The following ZNF440 variants were observed in gnomAD, a reference collection of about 807,000 sequenced individuals.
ZNF440 encodes the protein zinc finger protein 440.
In ZNF440, 47 loss-of-function variants were observed where a neutral mutation model predicts 49.7. That is an observed-to-expected ratio of 0.95 (90% CI 0.75 to 1.21). The LOEUF (loss-of-function observed/expected upper bound fraction) is 1.21, where lower values mean the gene tolerates loss of function less well. ZNF440 is among the 50% of genes most tolerant of loss of function. The pLI, the probability that ZNF440 is intolerant of heterozygous loss-of-function variation, is 0.00. For synonymous variants in ZNF440, 255 were observed against 237.7 expected (o/e 1.07, Z -0.67); for missense variants, 703 against 715.0 (o/e 0.98, Z 0.19).
At chr19:11,830,784 T>C in intron 3 of ZNF440, 107 bp downstream of exon 3, 4 of 1,394,144 alleles carry the variant, frequency 2.9e-6, no homozygotes, top group Non-Finnish European at 3.9e-6. Context: ...ATCAAATTCA[T>C]TTATTTTTAG....
intron 1 of ZNF440, chr19:11,827,614 C>T (rs905702907): frequency 3.3e-5 from 5 of 152,164 alleles, no homozygotes; most frequent in African/African-American, 4.8e-5. Flanking sequence ...AAATCAAGGT[C>T]GTCTTGGTTT....
intron 1 of ZNF440, among the ~76,000 whole-genome samples, chr19:11,823,111 G>A (rs1975819278): frequency 6.6e-6 from 1 of 152,030 alleles, no homozygotes; most frequent in Non-Finnish European, 1.5e-5. Context: ...TCTAGTGTCT[G>A]GTAAGGGCCC....
intron 1 of ZNF440, chr19:11,817,814 C>CT (rs1975751183): frequency 6.6e-6 from 1 of 152,134 alleles, no homozygotes; most frequent in Admixed American, 6.6e-5. Context: ...TGAGCTGTGC[C>CT]TACGTGCATG....
intron 1 of ZNF440, chr19:11,816,642 G>A (rs145859748): frequency 6.6e-6 from 1 of 152,334 alleles, no homozygotes; most frequent in African/African-American, 2.4e-5. Flanking sequence ...CTTTGTTTTT[G>A]TTTTTGTTTG....
At chr19:11,821,158 C>T (rs1197378943) in intron 1 of ZNF440, among the ~76,000 whole-genome samples, 2 of 152,188 alleles carry the variant, frequency 1.3e-5, no homozygotes, top group Non-Finnish European at 2.9e-5. Context: ...AGCGCACTCT[C>T]CTATGTTTTC....
In ZNF440 at chr19:11,819,244, G is replaced by A. The variant is rs286252; in HGVS notation, c.3+4794G>A. ...GTCATTTACAACATTTTACAAAACA[G>A]TATAGGTAAGAAAGAAGGCGAATCT... On this transcript the variant is annotated intron_variant, in intron 1 of 3. Transcript: ENST00000304060. 5.3e-5 allele frequency among the ~76,000 whole-genome samples: 8 copies of A among 152,236 alleles called. No individual in the cohort carries two copies. In the East Asian group the frequency reaches 1.5e-3, roughly 29 times the overall value.
At chr19:11,824,197 A>G (rs181855686) in intron 1 of ZNF440, among the ~76,000 whole-genome samples, 73 of 151,176 alleles carry the variant, frequency 4.8e-4, no homozygotes, top group African/African-American at 1.0e-3. Flanking sequence ...AAAAAAAAAA[A>G]AAAAGAAAAG....
intron 1 of ZNF440, among the ~76,000 whole-genome samples, chr19:11,814,795 A>G (rs1599286547): frequency 6.6e-6 from 1 of 152,308 alleles, no homozygotes; most frequent in Admixed American, 6.5e-5. Context: ...TAGGCAGAAA[A>G]TTCCTCAGCA....
chr19:11,822,150 G>A (rs982013916), intron 1 of ZNF440, among the ~76,000 whole-genome samples: 1 of 152,170 alleles, frequency 6.6e-6, no homozygotes, highest in African/African-American at 2.4e-5. Context: ...ATCCATGTGG[G>A]GTGTAAGGGT....
chr19:11,821,348 C>T (rs978281172), intron 1 of ZNF440, among the ~76,000 whole-genome samples: 1 of 152,170 alleles, frequency 6.6e-6, no homozygotes, highest in Non-Finnish European at 1.5e-5. Flanking sequence ...CTAGTATACT[C>T]TGCATCTAGA....
At chr19:11,822,154 T>A (rs1975807738) in intron 1 of ZNF440, among the ~76,000 whole-genome samples, 1 of 152,162 alleles carries the variant, frequency 6.6e-6, no homozygotes, top group South Asian at 2.1e-4. Flanking sequence ...ATGTGGGGTG[T>A]AAGGGTCAGT....
intron 1 of ZNF440, 165 bp from the exon 2 acceptor site, chr19:11,830,118 T>G: frequency 7.1e-7 from 1 of 1,406,268 alleles, no homozygotes; most frequent in South Asian, 1.5e-5. Flanking sequence ...ACAAGTTGCT[T>G]TGTGGAAGAA....
chr19:11,815,355 G>T (rs1253509631), intron 1 of ZNF440, among the ~76,000 whole-genome samples: 1 of 148,214 alleles, frequency 6.7e-6, no homozygotes, highest in Non-Finnish European at 1.5e-5. Flanking sequence ...AGACGGGAAG[G>T]AACAGGGACT....
intron 1 of ZNF440, among the ~76,000 whole-genome samples, chr19:11,819,242 C>T (rs1183211854): frequency 6.6e-6 from 1 of 151,998 alleles, no homozygotes; most frequent in African/African-American, 2.4e-5. Flanking sequence ...TTTTACAAAA[C>T]AGTATAGGTA....
intron 3 of ZNF440, 129 bp from the exon 4 acceptor site, chr19:11,831,239 A>G: frequency 1.5e-6 from 2 of 1,301,522 alleles, no homozygotes; most frequent in Non-Finnish European, 2.1e-6. Flanking sequence ...GTCACCTTCA[A>G]ACAATTCAGA....
At chr19:11,823,050 C>A (rs1009719688) in intron 1 of ZNF440, among the ~76,000 whole-genome samples, 18 of 152,034 alleles carry the variant, frequency 1.2e-4, no homozygotes, top group South Asian at 4.1e-4. Flanking sequence ...ATAAACATTT[C>A]TTTCTGGCAG....
At chr19:11,814,748 GA>G (rs1742072014) in intron 1 of ZNF440, among the ~76,000 whole-genome samples, 1 of 152,236 alleles carries the variant, frequency 6.6e-6, no homozygotes, top group South Asian at 2.1e-4. Flanking sequence ...GGGTTTGTTA[GA>G]AACAAGTGCC....
intron 2 of ZNF440, 68 bp from the exon 3 acceptor site, chr19:11,830,549 T>A: frequency 6.2e-7 from 1 of 1,601,152 alleles, no homozygotes; most frequent in South Asian, 1.1e-5. Context: ...ATCATGGGCG[T>A]AGAATCTAAT....
chr19:11,826,493 A>C (rs943167461), intron 1 of ZNF440, among the ~76,000 whole-genome samples: 1 of 152,078 alleles, frequency 6.6e-6, no homozygotes, highest in African/African-American at 2.4e-5. Flanking sequence ...TTTTCTTCAG[A>C]GCTCCGCAGA....
Sources: gnomAD v4.1 joint callset for allele counts (sites outside exome capture counted in the v4.1 genomes callset) on GRCh38, gnomAD v4.1.1 for gene constraint, MANE v1.5 for transcripts, NCBI Gene and HGNC (gene_info 2026-07-23, HGNC 2026-07-21) for gene names.